The following PDZRN4 variants were observed in gnomAD, a reference collection of about 807,000 sequenced individuals.
PDZRN4 encodes PDZ domain-containing RING finger protein 4.
Under a neutral mutation model 99.0 loss-of-function variants are expected in PDZRN4, and 70 were observed. The ratio of observed to expected loss-of-function variants is 0.71; its 90% CI spans 0.58 to 0.86. The LOEUF is 0.86. PDZRN4 is among the 40% of genes least tolerant of loss of function. The probability of loss-of-function intolerance (pLI) is 0.00; values close to 1 mark genes in which losing one functional copy is unlikely to be tolerated. For missense variants in PDZRN4, 1,474 were observed against 1,331.2 expected (o/e 1.11, Z -1.67); for synonymous variants, 551 against 501.6 (o/e 1.10, Z -1.32).
intron 5 of PDZRN4, among the ~76,000 whole-genome samples, chr12:41,540,067 TG>T (rs1185724355): frequency 6.6e-6 from 1 of 152,216 alleles, no homozygotes; most frequent in Non-Finnish European, 1.5e-5. Context: ...ATCTAGAATT[TG>T]TGCTATTAAA....
Position 41,469,998 on chromosome 12 carries a change from T to A in PDZRN4, c.844-36458T>A, listed in dbSNP as rs550561583. 1.8e-4 allele frequency among the ~76,000 whole-genome samples: 28 copies of A among 152,262 alleles called. No individual in the cohort carries two copies. In the East Asian group the frequency reaches 3.1e-3, roughly 17 times the overall value. On this transcript the variant is annotated intron_variant, in intron 3 of 9. Transcript: ENST00000402685. ...CATAAAATTGTCTGTAAAATAAGTA[T>A]AAAGAGCTCAGAGTGAGGTCTTATG...
intron 3 of PDZRN4, among the ~76,000 whole-genome samples, chr12:41,467,143 A>G (rs375378619): frequency 6.6e-6 from 1 of 152,206 alleles, no homozygotes; most frequent in South Asian, 2.1e-4. Context: ...ATACCTAACC[A>G]CAAATATTGT....
At chr12:41,331,164 A>G (rs1270798511) in intron 3 of PDZRN4, among the ~76,000 whole-genome samples, 1 of 152,152 alleles carries the variant, frequency 6.6e-6, no homozygotes, top group African/African-American at 2.4e-5. Flanking sequence ...TTAATCTCTG[A>G]GAACTTGAAT....
intron 3 of PDZRN4, among the ~76,000 whole-genome samples, chr12:41,313,169 A>T (rs1486604815): frequency 6.6e-6 from 1 of 152,096 alleles, no homozygotes; most frequent in African/African-American, 2.4e-5. Flanking sequence ...ATCACCCATC[A>T]CATATTCAAT....
intron 3 of PDZRN4, among the ~76,000 whole-genome samples, chr12:41,475,289 C>A (rs1953030383): frequency 6.6e-6 from 1 of 152,124 alleles, no homozygotes; most frequent in Admixed American, 6.5e-5. Context: ...TATCATATTT[C>A]TCTTTTTTCT....
intron 3 of PDZRN4, among the ~76,000 whole-genome samples, chr12:41,237,930 A>C (rs1173661012): frequency 1.3e-5 from 2 of 152,172 alleles, no homozygotes; most frequent in East Asian, 3.9e-4. Context: ...CTTTTTGCTT[A>C]GGATTGTCTT....
chr12:41,573,738 A>G lies in PDZRN4; in HGVS notation c.2959A>G (p.Ile987Val). 1 of 1,613,888 alleles carries G rather than the reference A, an allele frequency of 6.2e-7. No individual in the cohort carries two copies. The highest frequency in any genetic ancestry group is 8.5e-7 in the Non-Finnish European group (1 of 1,179,896). ...SGSEGKKEIN[I>V]IELSHKKMMK... Reference sequence around the variant, plus strand: ...CAGTGAGGGCAAGAAGGAGATCAATATCATTGAACTGAGTCACAAAAAGAT... The same window carrying G: ...CAGTGAGGGCAAGAAGGAGATCAATGTCATTGAACTGAGTCACAAAAAGAT... Residue 987 changes from isoleucine (I) to valine (V), a missense_variant, in exon 10 of 10, where the codon ATC (isoleucine) becomes GTC (valine). Physicochemically the swap from Ile to Val is conservative, Grantham distance 29. Coordinates refer to ENST00000402685, the MANE Select transcript of PDZRN4 (RefSeq NM_001164595.2).
chr12:41,553,345 A>C (rs572856025), intron 6 of PDZRN4, among the ~76,000 whole-genome samples: 1 of 152,368 alleles, frequency 6.6e-6, no homozygotes, highest in African/African-American at 2.4e-5. Context: ...AAAGACTGTG[A>C]AGCAAATTGT....
chr12:41,438,948 T>A (rs1952654701), intron 3 of PDZRN4, among the ~76,000 whole-genome samples: 1 of 152,200 alleles, frequency 6.6e-6, no homozygotes, highest in Non-Finnish European at 1.5e-5. Flanking sequence ...ATGCTTGGGA[T>A]GTTGGTGGCC....
intron 5 of PDZRN4, among the ~76,000 whole-genome samples, chr12:41,532,187 C>T (rs1938672715): frequency 6.6e-6 from 1 of 152,080 alleles, no homozygotes; most frequent in African/African-American, 2.4e-5. Context: ...GTCCATTTTT[C>T]ACCTGGTATG....
intron 3 of PDZRN4, among the ~76,000 whole-genome samples, chr12:41,441,254 A>C (rs1198996645): frequency 6.6e-6 from 1 of 152,156 alleles, no homozygotes; most frequent in Non-Finnish European, 1.5e-5. Context: ...AGGGTAAAGA[A>C]ATTAATTTGC....
intron 3 of PDZRN4, among the ~76,000 whole-genome samples, chr12:41,309,746 C>A (rs917598188): frequency 2.0e-5 from 3 of 151,886 alleles, no homozygotes; most frequent in African/African-American, 7.3e-5. Context: ...AAGCTAGCAG[C>A]ATCAGGTAAT....
chr12:41,278,272 C>T (rs1280778988), intron 3 of PDZRN4, among the ~76,000 whole-genome samples: 1 of 152,126 alleles, frequency 6.6e-6, no homozygotes, highest in African/African-American at 2.4e-5. Flanking sequence ...GGAAGAAAAA[C>T]ATAGACACAA....
chr12:41,503,628 T>A (rs1449818758), intron 3 of PDZRN4, among the ~76,000 whole-genome samples: 1 of 152,148 alleles, frequency 6.6e-6, no homozygotes. Context: ...TCTCACTTTT[T>A]AAAAATCTCT....
intron 3 of PDZRN4, among the ~76,000 whole-genome samples, chr12:41,400,888 G>A (rs552382262): frequency 1.3e-5 from 2 of 152,202 alleles, no homozygotes; most frequent in Admixed American, 1.3e-4. Flanking sequence ...TGCTTTCCCT[G>A]CATTTATATC....
rs185829122 is a variant in PDZRN4, at chr12:41,409,817, C to T, written c.844-96639C>T. 3.3e-4 allele frequency: 51 copies of T among 152,270 alleles called. 1 individual carries two copies. Among genetic ancestry groups the T allele is most frequent in the African/African-American group, 1.2e-3 (48 of 41,574 alleles). The allele number at this position is 152,270 out of a possible 1,614,324, so 9.4% of individuals were successfully genotyped here. A position where few individuals can be genotyped will look rare whatever the true frequency, so the allele number is the denominator to read the frequency against. Reference sequence around the variant, plus strand: ...GTTCTCTGAAGCCTCTAGGGAGGAACTTCTCCTGCTTCTTCGAGCTTCTGG... The same window carrying T: ...GTTCTCTGAAGCCTCTAGGGAGGAATTTCTCCTGCTTCTTCGAGCTTCTGG... On this transcript the variant is annotated intron_variant, in intron 3 of 9. Transcript: ENST00000402685.
chr12:41,360,140 T>C (rs1014525146), intron 3 of PDZRN4, among the ~76,000 whole-genome samples: 2 of 152,016 alleles, frequency 1.3e-5, no homozygotes, highest in African/African-American at 4.8e-5. Context: ...TGACTTCTAT[T>C]TCTTTTGTAC....
intron 3 of PDZRN4, among the ~76,000 whole-genome samples, chr12:41,221,106 G>A (rs1345170745): frequency 6.6e-6 from 1 of 152,186 alleles, no homozygotes; most frequent in Non-Finnish European, 1.5e-5. Context: ...TCACATGTCA[G>A]GAAACAAAGG....
At chr12:41,466,998 G>A (rs1171689813) in intron 3 of PDZRN4, among the ~76,000 whole-genome samples, 4 of 152,204 alleles carry the variant, frequency 2.6e-5, no homozygotes, top group Non-Finnish European at 5.9e-5. Flanking sequence ...ACGCACCTCT[G>A]TGCTTGCTGC....
Sources: allele counts gnomAD v4.1 joint callset (sites outside exome capture counted in the v4.1 genomes callset), GRCh38; gene constraint gnomAD v4.1.1; transcripts MANE v1.5; gene names NCBI Gene and HGNC (gene_info 2026-07-23, HGNC 2026-07-21).